The following L3MBTL3 variants were observed in gnomAD, a reference collection of about 807,000 sequenced individuals.
L3MBTL3 encodes the protein lethal(3)malignant brain tumor-like protein 3.
Under a neutral mutation model 102.3 loss-of-function variants are expected in L3MBTL3, and 27 were observed. The observed-to-expected ratio is 0.26, with a 90% CI of 0.19 to 0.36. The LOEUF is 0.36. Among genes scored for constraint, L3MBTL3 ranks in the 10% least tolerant of loss-of-function variants. The pLI, the probability that L3MBTL3 is intolerant of heterozygous loss-of-function variation, is 1.00. For synonymous variants in L3MBTL3, 340 were observed against 320.9 expected, an observed-to-expected ratio of 1.06 and a Z score of -0.64; for missense variants, 798 against 955.3, an observed-to-expected ratio of 0.84 and a Z score of 2.17.
At chr6:130,077,154 A>G (rs1268379661) in intron 13 of L3MBTL3, among the ~76,000 whole-genome samples, 1 of 152,026 alleles carries the variant, frequency 6.6e-6, no homozygotes, top group Non-Finnish European at 1.5e-5. Flanking sequence ...TTATGATGCT[A>G]TCTATGAATT....
intron 14 of L3MBTL3, among the ~76,000 whole-genome samples, chr6:130,080,644 G>A (rs1268283166): frequency 6.6e-6 from 1 of 151,856 alleles, no homozygotes; most frequent in African/African-American, 2.4e-5. Flanking sequence ...TTTCCTGGAC[G>A]TTTATAATTC....
intron 19 of L3MBTL3, among the ~76,000 whole-genome samples, chr6:130,111,875 A>T (rs1192890747): frequency 6.6e-6 from 1 of 152,180 alleles, no homozygotes; most frequent in Non-Finnish European, 1.5e-5. Context: ...ACTTCCCGTT[A>T]TTCTTGGAAT....
chr6:130,035,568 A>G (rs1337886710), intron 2 of L3MBTL3, among the ~76,000 whole-genome samples: 1 of 152,240 alleles, frequency 6.6e-6, no homozygotes, highest in Non-Finnish European at 1.5e-5. Flanking sequence ...AGAGTGCAAT[A>G]CTTTTGCACT....
intron 2 of L3MBTL3, among the ~76,000 whole-genome samples, chr6:130,035,363 C>G (rs1779991111): frequency 6.6e-6 from 1 of 152,142 alleles, no homozygotes; most frequent in Admixed American, 6.5e-5. Flanking sequence ...GTTCATCCAG[C>G]AGATAGAATA....
At chr6:130,066,260 T>C (rs1008675927) in intron 10 of L3MBTL3, 93 bp from the exon 11 acceptor site, 1 of 393,132 alleles carries the variant, frequency 2.5e-6, no homozygotes. Flanking sequence ...GACTATATCA[T>C]GCCTGGTGTC....
chr6:130,057,326 A>T (rs1584340020), intron 8 of L3MBTL3, 80 bp from the exon 9 acceptor site: 1 of 1,041,592 alleles, frequency 9.6e-7, no homozygotes, highest in East Asian at 2.5e-5. Context: ...CGTATCAGTC[A>T]GGGACGTGTG....
chr6:130,038,364 A>G (rs62421322), intron 2 of L3MBTL3, among the ~76,000 whole-genome samples: 1 of 151,742 alleles, frequency 6.6e-6, no homozygotes, highest in Non-Finnish European at 1.5e-5. Context: ...TATAATGGCC[A>G]TACTACTCTA....
chr6:130,055,228 C>G lies in L3MBTL3; in HGVS notation c.640C>G (p.Arg214Gly). The G allele has an allele frequency of 6.2e-7, 1 of 1,613,376 alleles. No homozygotes were observed. Residue 214 changes from arginine to glycine, a missense_variant, in exon 8 of 23, where the codon CGA becomes GGA. Arg to Gly is a moderately radical substitution (Grantham distance 125). Coordinates refer to ENST00000361794, the MANE Select transcript of L3MBTL3 (RefSeq NM_032438.4). ...TTCGCAGAGAGCACGGAGGAAAAGA[C>G]GAGGGGATTCGGCTGTACTAAAGCA... is the stretch of plus-strand genomic sequence containing the variant. ...RGSQRARRKR[R>G]GDSAVLKQGL...
At chr6:130,110,435 T>C (rs1369452144) in intron 19 of L3MBTL3, among the ~76,000 whole-genome samples, 1 of 152,170 alleles carries the variant, frequency 6.6e-6, no homozygotes, top group Non-Finnish European at 1.5e-5. Flanking sequence ...TATTCCTAGG[T>C]GTTTTATTCT....
At chr6:130,057,059 C>G (rs1781554268) in intron 8 of L3MBTL3, among the ~76,000 whole-genome samples, 2 of 152,062 alleles carry the variant, frequency 1.3e-5, no homozygotes, top group African/African-American at 4.8e-5. Context: ...CCACAGTCCT[C>G]AACTTCTTGA....
chr6:130,020,078 C>T (rs1466481607), intron 1 of L3MBTL3, among the ~76,000 whole-genome samples: 1 of 148,708 alleles, frequency 6.7e-6, no homozygotes, highest in African/African-American at 2.5e-5. Flanking sequence ...AACTTGTTTA[C>T]GCCTGCCTTA....
chr6:130,026,083 G>A (rs1779321282), intron 2 of L3MBTL3, among the ~76,000 whole-genome samples: 1 of 151,768 alleles, frequency 6.6e-6, no homozygotes, highest in African/African-American at 2.4e-5. Context: ...GATAGGACCC[G>A]GCAGATGGGG....
rs138928399 is a variant in L3MBTL3, at chr6:130,078,652, G to A, written c.1321+18G>A. ...TCCACCAGGTGTGTGTTTTTTTAAT[G>A]TGGCTAATACTATTCGTAGACTTCA... On this transcript the variant is annotated intron_variant, in intron 14 of 22. Coordinates refer to ENST00000361794, the MANE Select transcript of L3MBTL3 (RefSeq NM_032438.4). 2,169 of 1,503,200 alleles carry A rather than the reference G, an allele frequency of 1.4e-3. No individual in the cohort carries two copies. The highest frequency in any genetic ancestry group is 2.2e-3 in the Admixed American group (129 of 59,388). 93.1% of individuals were successfully genotyped at this position (1,503,200 alleles called of 1,614,324 possible). A position where few individuals can be genotyped will look rare whatever the true frequency, so the allele number is the denominator to read the frequency against.
chr6:130,022,364 A>G (rs1002372762), intron 2 of L3MBTL3, 59 bp downstream of exon 2: 2 of 152,238 alleles, frequency 1.3e-5, no homozygotes, highest in Non-Finnish European at 2.9e-5. Flanking sequence ...AAAAAGCTGC[A>G]TTTGGAGATC....
chr6:130,045,400 T>C (rs1476982961), intron 3 of L3MBTL3, among the ~76,000 whole-genome samples: 2 of 152,114 alleles, frequency 1.3e-5, no homozygotes, highest in Non-Finnish European at 2.9e-5. Flanking sequence ...CTGGGTGCAG[T>C]AGGGGAAAGA....
chr6:130,086,073 C>T, intron 15 of L3MBTL3, 67 bp from the exon 16 acceptor site: 1 of 1,080,480 alleles, frequency 9.3e-7, no homozygotes. Flanking sequence ...TCTTCTTCTT[C>T]TTTGTAACAT....
chr6:130,104,339 C>T (rs1784862599), intron 18 of L3MBTL3, 87 bp from the exon 19 acceptor site: 3 of 933,182 alleles, frequency 3.2e-6, no homozygotes, highest in Admixed American at 3.0e-5. Context: ...ATTTTATATT[C>T]TGTATCCTGT....
Position 130,094,263 on chromosome 6 carries a change from A to G in L3MBTL3, c.1634-2A>G. 2 of 1,609,778 alleles carry G rather than the reference A, an allele frequency of 1.2e-6. No individual in the cohort carries two copies. Among genetic ancestry groups the G allele is most frequent in the Non-Finnish European group, 1.7e-6 (2 of 1,177,092 alleles). The stretch of plus-strand genomic sequence containing the variant: ...TTCTTTCTTTTCTTTGCTCTTTCAT[A>G]GGCCCCTTAGAATTAATGGAAGCTT... On this transcript the variant is annotated splice_acceptor_variant, in intron 17 of 22. Transcript: ENST00000361794. LOFTEE classifies it high-confidence loss of function.
chr6:130,044,400 T>TA (rs1233481603), intron 3 of L3MBTL3, among the ~76,000 whole-genome samples: 8 of 152,192 alleles, frequency 5.3e-5, no homozygotes, highest in Non-Finnish European at 7.4e-5. Flanking sequence ...TGGCTTTTTT[T>TA]AAAAAAAACT....
Sources: allele counts gnomAD v4.1 joint callset (sites outside exome capture counted in the v4.1 genomes callset), GRCh38; gene constraint gnomAD v4.1.1; transcripts MANE v1.5; gene names NCBI Gene and HGNC (gene_info 2026-07-23, HGNC 2026-07-21).